CALB2: variants seen among roughly 807,000 people sequenced by gnomAD.
CALB2 encodes calbindin 2.
Under a neutral mutation model 45.9 loss-of-function variants are expected in CALB2, and 34 were observed. The observed-to-expected ratio is 0.74, with a 90% CI of 0.56 to 0.99. The LOEUF (loss-of-function observed/expected upper bound fraction) is 0.99. CALB2 is among the 50% of genes least tolerant of loss of function. The pLI, the probability that CALB2 is intolerant of heterozygous loss-of-function variation, is 0.00. For missense variants in CALB2, 344 were observed against 339.3 expected (o/e 1.01, Z -0.11); for synonymous variants, 142 against 129.6 (o/e 1.10, Z -0.65).
In CALB2 at chr16:71,384,853, G is replaced by A; in HGVS notation, c.627+17G>A. The stretch of plus-strand genomic sequence containing the variant: ...TACGACAAGGTAAGAGAGGGAGTTG[G>A]CATGGCAGGGAAAATCAGAAGCCCA... On this transcript the variant is annotated intron_variant, in intron 9 of 10. Coordinates refer to ENST00000302628, the MANE Select transcript of CALB2 (RefSeq NM_001740.5). The A allele has an allele frequency of 1.2e-6, 2 of 1,610,546 alleles. No individual in the cohort carries two copies. Among genetic ancestry groups the A allele is most frequent in the Non-Finnish European group, 8.5e-7 (1 of 1,177,312 alleles).
chr16:71,376,259 C>T (rs1057061067), intron 3 of CALB2, among the ~76,000 whole-genome samples: 2 of 152,166 alleles, frequency 1.3e-5, no homozygotes, highest in African/African-American at 4.8e-5. Flanking sequence ...TAAAACTTTA[C>T]AAACAACTCC....
chr16:71,369,322 A>C (rs1259725154), intron 1 of CALB2, among the ~76,000 whole-genome samples: 1 of 152,192 alleles, frequency 6.6e-6, no homozygotes, highest in African/African-American at 2.4e-5. Context: ...GGTGTCCTCT[A>C]ATCTGGGTAC....
intron 8 of CALB2, 134 bp from the exon 9 acceptor site, chr16:71,384,648 CA>C: frequency 3.3e-4 from 1 of 3,060 alleles, no homozygotes; most frequent in Non-Finnish European, 5.6e-4. Context: ...ACACACCACA[CA>C]GACCACACAC....
intron 5 of CALB2, 97 bp downstream of exon 5, chr16:71,382,872 G>C (rs1004799644): frequency 4.6e-6 from 5 of 1,089,606 alleles, no homozygotes; most frequent in Non-Finnish European, 5.4e-6. Flanking sequence ...ATGAGTTTGC[G>C]GGCTGCTTAG....
chr16:71,383,259 A>G, intron 5 of CALB2, 108 bp from the exon 6 acceptor site: 2 of 1,020,120 alleles, frequency 2.0e-6, no homozygotes, highest in Non-Finnish European at 3.0e-6. Flanking sequence ...GTAGACCTGA[A>G]AAACACACAC....
At position 71,358,944 on chromosome 16, in the gene CALB2, G is replaced by A; in HGVS notation, c.94+58G>A. On this transcript the variant is annotated intron_variant, in intron 1 of 10. Transcript: ENST00000302628. Reference sequence around the variant, plus strand: ...GCACCCAGGGGACCTGCGGTGAAGGGGGCAGGGGGCGGCGCTGAATGCGGG... The same window carrying A: ...GCACCCAGGGGACCTGCGGTGAAGGAGGCAGGGGGCGGCGCTGAATGCGGG... The A allele has an allele frequency of 2.0e-6, 3 of 1,467,566 alleles. No individual in the cohort carries two copies. In the Admixed American group the frequency reaches 5.5e-5, roughly 27 times the overall value. 90.9% of individuals were successfully genotyped at this position (1,467,566 alleles called of 1,614,324 possible).
intron 4 of CALB2, among the ~76,000 whole-genome samples, chr16:71,380,287 CTTTTCTTTTTTTTTTTT>C (rs1227224266): frequency 4.7e-4 from 41 of 87,112 alleles, no homozygotes; most frequent in Admixed American, 2.2e-3. Context: ...TCTTTCCTTC[CTTTTCTTTTTTTTTTTT>C]TTTTTTTTTT....
intron 1 of CALB2, among the ~76,000 whole-genome samples, chr16:71,360,028 G>C (rs990258615): frequency 6.6e-6 from 1 of 152,248 alleles, no homozygotes; most frequent in Non-Finnish European, 1.5e-5. Context: ...GCCAGGCTCA[G>C]CCTTGTGGGC....
intron 5 of CALB2, 125 bp from the exon 6 acceptor site, chr16:71,383,242 A>G (rs2042520852): frequency 1.1e-6 from 1 of 882,596 alleles, no homozygotes; most frequent in African/African-American, 1.7e-5. Context: ...CCTGAGTCAT[A>G]GAACTGGTAG....
In CALB2 at chr16:71,383,544, G is replaced by A. The variant is rs2042526044; in HGVS notation, c.477+100G>A. On this transcript the variant is annotated intron_variant, in intron 6 of 10. Transcript: ENST00000302628. ...GGGTCCCTTGTTTGCTGATTCTTCA[G>A]GCCCAAGGGAAGTGATTCACAGTGG... is the stretch of plus-strand genomic sequence containing the variant. 34 of 1,069,672 alleles carry A rather than the reference G, an allele frequency of 3.2e-5. No homozygotes were observed. The East Asian group carries it at 8.7e-4, about 27-fold the overall frequency. The allele number at this position is 1,069,672 out of a possible 1,614,324, so 66.3% of individuals were successfully genotyped here.
At chr16:71,362,453 C>T (rs532030679) in intron 1 of CALB2, among the ~76,000 whole-genome samples, 6 of 152,302 alleles carry the variant, frequency 3.9e-5, no homozygotes, top group East Asian at 1.9e-4. Flanking sequence ...TAGATATACT[C>T]GTATGTGCGC....
At chr16:71,388,936 T>G (rs1042778467) in intron 10 of CALB2, among the ~76,000 whole-genome samples, 7 of 147,020 alleles carry the variant, frequency 4.8e-5, no homozygotes, top group Admixed American at 4.2e-4. Flanking sequence ...AGGCAGAGGT[T>G]GCAGTGAGCC....
intron 1 of CALB2, among the ~76,000 whole-genome samples, chr16:71,370,492 A>G (rs1024585837): frequency 2.0e-5 from 3 of 152,154 alleles, no homozygotes; most frequent in Non-Finnish European, 4.4e-5. Flanking sequence ...TAAAAAAAAA[A>G]AAATCATGGT....
chr16:71,385,450 CACGA>C (rs1421354856), intron 9 of CALB2, 123 bp from the exon 10 acceptor site: 2 of 649,000 alleles, frequency 3.1e-6, no homozygotes, highest in African/African-American at 3.6e-5. Flanking sequence ...TTTGTCATTA[CACGA>C]TCTGAACACC....
In CALB2 at chr16:71,389,414, T is replaced by C. The variant is rs1015184391; in HGVS notation, c.700-335T>C. 13 of 471,334 alleles carry C rather than the reference T, an allele frequency of 2.8e-5. No individual in the cohort carries two copies. In the Admixed American group the frequency reaches 3.0e-4, roughly 11 times the overall value. The allele number at this position is 471,334 out of a possible 1,614,324, so 29.2% of individuals were successfully genotyped here. Reference sequence around the variant, plus strand: ...CAATAGCTACCTTTTATTTTTCAAGTGCTTGCTGATGTGGCTTATATTCAT... The same window carrying C: ...CAATAGCTACCTTTTATTTTTCAAGCGCTTGCTGATGTGGCTTATATTCAT... On this transcript the variant is annotated intron_variant, in intron 10 of 10. Coordinates refer to ENST00000302628, the MANE Select transcript of CALB2 (RefSeq NM_001740.5).
At chr16:71,359,409 C>T (rs540488943) in intron 1 of CALB2, among the ~76,000 whole-genome samples, 1 of 152,128 alleles carries the variant, frequency 6.6e-6, no homozygotes, top group Admixed American at 6.5e-5. Context: ...GCCCTGAACA[C>T]CCCCCTGCTT....
chr16:71,385,566 C>CTAT lies in CALB2; in HGVS notation c.628-11_628-10insTAT. 1 of 1,613,514 alleles carries CTAT rather than the reference C, an allele frequency of 6.2e-7. No individual in the cohort carries two copies. The highest frequency in any genetic ancestry group is 8.5e-7 in the Non-Finnish European group (1 of 1,179,490). The stretch of plus-strand genomic sequence containing the variant: ...TTTAGAGCTCTGGGTTGACTCTGCT[C>CTAT]CCATCCCCAGGATAGAAGCGGCTAC... On this transcript the variant is annotated splice_polypyrimidine_tract_variant and intron_variant, in intron 9 of 10. Transcript: ENST00000302628.
chr16:71,365,598 C>G (rs987279740), intron 1 of CALB2, among the ~76,000 whole-genome samples: 1 of 152,128 alleles, frequency 6.6e-6, no homozygotes. Context: ...GGCACCACCC[C>G]CCAGAGAAAG....
At chr16:71,385,387 C>T in intron 9 of CALB2, 190 bp from the exon 10 acceptor site, 2 of 484,776 alleles carry the variant, frequency 4.1e-6, no homozygotes, top group South Asian at 4.4e-5. Context: ...CCAAAGCTTG[C>T]ACCCACTGCC....
Sources: gnomAD v4.1 joint callset for allele counts (sites outside exome capture counted in the v4.1 genomes callset) on GRCh38, gnomAD v4.1.1 for gene constraint, MANE v1.5 for transcripts, NCBI Gene and HGNC (gene_info 2026-07-23, HGNC 2026-07-21) for gene names.